Variants in SGIP1 observed in about 807,000 individuals in gnomAD.
SGIP1 encodes SH3GL interacting endocytic adaptor 1.
In SGIP1, 38 loss-of-function variants were observed where a neutral mutation model predicts 107.5. The observed-to-expected ratio is 0.35, with a 90% CI of 0.27 to 0.46. SGIP1 has a LOEUF of 0.46. SGIP1 is among the 20% of genes least tolerant of loss of function. The pLI is 1.00. For missense variants in SGIP1, 929 were observed against 1,019.5 expected, an observed-to-expected ratio of 0.91 and a Z score of 1.21; for synonymous variants, 365 against 366.1, an observed-to-expected ratio of 1.00 and a Z score of 0.03.
At position 66,745,205 on chromosome 1, in the gene SGIP1, A is replaced by C. The variant is rs974165576; in HGVS notation, c.*2110A>C. The C allele has an allele frequency of 1.3e-5, 2 of 151,994 alleles. No individual in the cohort carries two copies. Among genetic ancestry groups the C allele is most frequent in the Non-Finnish European group, 1.5e-5 (1 of 67,894 alleles). The allele number at this position is 151,994 out of a possible 1,614,324, so 9.4% of individuals were successfully genotyped here. A position where few individuals can be genotyped will look rare whatever the true frequency, so the allele number is the denominator to read the frequency against. ...AAAAATAATTTTACTGATTTTTAAA[A>C]ATTTAATTAAAAACATAGATTACAG... On this transcript the variant is annotated 3_prime_UTR_variant, in exon 25 of 25. Coordinates refer to ENST00000371037, the MANE Select transcript of SGIP1 (RefSeq NM_032291.4).
In SGIP1 at chr1:66,733,918, A is replaced by G. The variant is rs776663142; in HGVS notation, c.2031+38A>G. 5 of 1,581,294 alleles carry G rather than the reference A, an allele frequency of 3.2e-6. No homozygotes were observed. The South Asian group carries it at 5.9e-5, about 19-fold the overall frequency. On this transcript the variant is annotated intron_variant, in intron 21 of 24. Transcript: ENST00000371037. ...ACATGATCGGTATCTCTTCCACATG[A>G]CATATTTGTTTTCTAAAGTACCTAC... is the stretch of plus-strand genomic sequence containing the variant.
chr1:66,683,616 A>C (rs2087327924), intron 15 of SGIP1, among the ~76,000 whole-genome samples: 1 of 151,748 alleles, frequency 6.6e-6, no homozygotes, highest in Non-Finnish European at 1.5e-5. Flanking sequence ...TTTTTACCAT[A>C]AGACCTTTGG....
chr1:66,662,439 A>G (rs1207804679), intron 8 of SGIP1, among the ~76,000 whole-genome samples: 1 of 152,230 alleles, frequency 6.6e-6, no homozygotes, highest in Non-Finnish European at 1.5e-5. Flanking sequence ...AAACATATTG[A>G]AACACTTTAT....
At chr1:66,664,170 A>G (rs1571473429) in intron 8 of SGIP1, among the ~76,000 whole-genome samples, 2 of 152,208 alleles carry the variant, frequency 1.3e-5, no homozygotes, top group Non-Finnish European at 2.9e-5. Context: ...ATAAAAAAGT[A>G]TTTGAATTTT....
At chr1:66,677,430 T>C (rs1375674904) in intron 13 of SGIP1, among the ~76,000 whole-genome samples, 1 of 152,202 alleles carries the variant, frequency 6.6e-6, no homozygotes, top group East Asian at 1.9e-4. Flanking sequence ...GGCATTAGGC[T>C]ATCATATAAC....
intron 8 of SGIP1, chr1:66,667,011 A>G (rs1313227807): frequency 6.5e-6 from 1 of 152,942 alleles, no homozygotes; most frequent in Non-Finnish European, 1.5e-5. Flanking sequence ...CACACCTTCC[A>G]TAGAACACCA....
intron 15 of SGIP1, among the ~76,000 whole-genome samples, chr1:66,683,328 C>T (rs1363953119): frequency 6.6e-6 from 1 of 152,064 alleles, no homozygotes; most frequent in African/African-American, 2.4e-5. Flanking sequence ...TTTCCTTTTG[C>T]TGTGAAAGAG....
At chr1:66,543,699 GA>G (rs1392399000) in intron 1 of SGIP1, among the ~76,000 whole-genome samples, 1 of 152,146 alleles carries the variant, frequency 6.6e-6, no homozygotes, top group African/African-American at 2.4e-5. Context: ...AGTGTGGGGG[GA>G]AGGGCCAGGA....
intron 21 of SGIP1, among the ~76,000 whole-genome samples, chr1:66,738,885 C>T (rs1197050814): frequency 6.6e-6 from 1 of 152,180 alleles, no homozygotes. Flanking sequence ...CAAAAAAACA[C>T]CTCCTTCAAT....
At position 66,750,738 on chromosome 1, in the gene SGIP1, T is replaced by G. The variant is rs1421334216; in HGVS notation, c.*7643T>G. Among the ~76,000 whole-genome samples, 2 of 151,236 alleles carry G rather than the reference T, an allele frequency of 1.3e-5. No homozygotes were observed. The highest frequency in any genetic ancestry group is 3.8e-4 in the East Asian group (2 of 5,204). On this transcript the variant is annotated 3_prime_UTR_variant, in exon 25 of 25. Coordinates refer to ENST00000371037, the MANE Select transcript of SGIP1 (RefSeq NM_032291.4). ...AATGAAAGCTTTACTGCTTCTATGCTGTGCTCAAGAGAAAACCAACAACGG... is the reference window on the plus strand; with the variant it reads ...AATGAAAGCTTTACTGCTTCTATGCGGTGCTCAAGAGAAAACCAACAACGG...
At chr1:66,652,876 C>T (rs769027991) in intron 7 of SGIP1, among the ~76,000 whole-genome samples, 9 of 152,226 alleles carry the variant, frequency 5.9e-5, no homozygotes, top group African/African-American at 2.2e-4. Flanking sequence ...ATGCAAGGCA[C>T]TCAGCCCAGA....
At chr1:66,570,728 A>C (rs917376007) in intron 1 of SGIP1, among the ~76,000 whole-genome samples, 7 of 151,938 alleles carry the variant, frequency 4.6e-5, no homozygotes, top group African/African-American at 1.7e-4. Flanking sequence ...CATGGAGCTT[A>C]GTCTTTTTGT....
intron 23 of SGIP1, 27 bp downstream of exon 23, chr1:66,740,749 T>G (rs2094423005): frequency 2.0e-6 from 3 of 1,521,428 alleles, no homozygotes; most frequent in Non-Finnish European, 2.7e-6. Context: ...TTTATTTTAT[T>G]TAACATGTAA....
intron 1 of SGIP1, among the ~76,000 whole-genome samples, chr1:66,544,207 C>A (rs376695808): frequency 3.0e-4 from 45 of 152,166 alleles, no homozygotes; most frequent in Non-Finnish European, 5.9e-4. Context: ...TGCTAGGCCA[C>A]CCCTTTCTTG....
At chr1:66,637,832 TATAC>T (rs1211787232) in intron 4 of SGIP1, among the ~76,000 whole-genome samples, 3 of 150,002 alleles carry the variant, frequency 2.0e-5, no homozygotes, top group African/African-American at 7.3e-5. Context: ...TGTGTGTACA[TATAC>T]ATACACACAT....
intron 1 of SGIP1, among the ~76,000 whole-genome samples, chr1:66,581,035 G>A (rs2061750134): frequency 6.6e-6 from 1 of 151,970 alleles, no homozygotes; most frequent in Non-Finnish European, 1.5e-5. Context: ...GCAAATGTAT[G>A]GAAAATTTGG....
intron 20 of SGIP1, among the ~76,000 whole-genome samples, chr1:66,731,514 T>C (rs757060759): frequency 3.9e-5 from 6 of 152,236 alleles, no homozygotes; most frequent in Non-Finnish European, 8.8e-5. Flanking sequence ...TATAGACCCT[T>C]AAATTATTAT....
chr1:66,579,430 A>G (rs776085978), intron 1 of SGIP1, among the ~76,000 whole-genome samples: 2 of 152,214 alleles, frequency 1.3e-5, no homozygotes, highest in African/African-American at 2.4e-5. Flanking sequence ...TAGGATAGAA[A>G]AAGAGATCCA....
chr1:66,607,321 C>T (rs918448338), intron 1 of SGIP1, among the ~76,000 whole-genome samples: 1 of 152,208 alleles, frequency 6.6e-6, no homozygotes, highest in Admixed American at 6.5e-5. Flanking sequence ...GTTCAGGTAG[C>T]CCAGTATCCT....
Sources: allele counts gnomAD v4.1 joint callset (sites outside exome capture counted in the v4.1 genomes callset), GRCh38; gene constraint gnomAD v4.1.1; transcripts MANE v1.5; gene names NCBI Gene and HGNC (gene_info 2026-07-23, HGNC 2026-07-21).